SCUBE2: variants seen among roughly 807,000 people sequenced by gnomAD.
SCUBE2 encodes signal peptide, CUB and EGF-like domain-containing protein 2.
Under a neutral mutation model 125.9 loss-of-function variants are expected in SCUBE2, and 114 were observed. The observed-to-expected ratio is 0.91, with a 90% CI of 0.78 to 1.06. The LOEUF (loss-of-function observed/expected upper bound fraction) is 1.06, where lower values mean the gene tolerates loss of function less well. SCUBE2 is among the 50% of genes least tolerant of loss of function. SCUBE2 has a pLI of 0.00. For synonymous variants in SCUBE2, 459 were observed against 492.9 expected (o/e 0.93, Z 0.91); for missense variants, 1,255 against 1,301.8 (o/e 0.96, Z 0.55).
chr11:9,040,827 C>T (rs1036071330), intron 16 of SCUBE2, among the ~76,000 whole-genome samples: 9 of 152,148 alleles, frequency 5.9e-5, no homozygotes, highest in Non-Finnish European at 1.2e-4. Context: ...GAAGAGTGGG[C>T]AATTTAAAAC....
intron 15 of SCUBE2, among the ~76,000 whole-genome samples, 186 bp from the exon 16 acceptor site, chr11:9,047,748 G>A (rs1857943528): frequency 6.6e-6 from 1 of 152,100 alleles, no homozygotes; most frequent in Non-Finnish European, 1.5e-5. Flanking sequence ...GATCAGAATG[G>A]TAGCTTTGGG....
At position 9,030,869 on chromosome 11, in the gene SCUBE2, C is replaced by A. The variant is rs1359476911; in HGVS notation, c.2230G>T (p.Ala744Ser). ...GCTTCAGGCTGGAACGTGCCCAGGG[C>A]ACAGAGCTGGCAAGGTGCAAAGCCA... Reference protein sequence around the residue: ...ADGFAPCQLCALGTFQPEAGR... With the variant: ...ADGFAPCQLCSLGTFQPEAGR... The change falls in exon 18 of 23, where the codon GCC (alanine) becomes TCC (serine). Residue 744 changes from alanine (A) to serine (S), a missense_variant. Coordinates refer to ENST00000649792, the MANE Select transcript of SCUBE2 (RefSeq NM_001367977.2). 6.2e-7 allele frequency: 1 copy of A among 1,614,108 alleles called. No individual in the cohort carries two copies. Among genetic ancestry groups the A allele is most frequent in the Non-Finnish European group, 8.5e-7 (1 of 1,180,040 alleles).
chr11:9,056,085 CAAG>C (rs1195986334), intron 9 of SCUBE2, among the ~76,000 whole-genome samples, 176 bp from the exon 10 acceptor site: 6 of 152,202 alleles, frequency 3.9e-5, no homozygotes, highest in Non-Finnish European at 8.8e-5. Context: ...GAGCAGCCCA[CAAG>C]AAGTATACTG....
At chr11:9,066,872 G>A in intron 5 of SCUBE2, 59 bp from the exon 6 acceptor site, 1 of 1,364,960 alleles carries the variant, frequency 7.3e-7, no homozygotes, top group East Asian at 2.3e-5. Context: ...ACAGGGCTGT[G>A]TTTGCTCCAG....
chr11:9,083,731 G>C (rs1319113164), intron 2 of SCUBE2, among the ~76,000 whole-genome samples: 1 of 151,836 alleles, frequency 6.6e-6, no homozygotes, highest in East Asian at 1.9e-4. Context: ...TAGTAGAGAC[G>C]GGGTTTCACT....
At chr11:9,031,628 TA>T (rs199504434) in intron 17 of SCUBE2, among the ~76,000 whole-genome samples, 335 of 140,304 alleles carry the variant, frequency 2.4e-3, no homozygotes, top group Middle Eastern at 3.7e-3. Context: ...ACCTTGTCTC[TA>T]AAAAAAAAAA....
At chr11:9,058,817 A>G (rs1452797022) in intron 9 of SCUBE2, among the ~76,000 whole-genome samples, 1 of 151,992 alleles carries the variant, frequency 6.6e-6, no homozygotes, top group Non-Finnish European at 1.5e-5. Flanking sequence ...AAAAATTAAA[A>G]AAACAAGTGC....
At chr11:9,046,566 C>T (rs933110767) in intron 16 of SCUBE2, among the ~76,000 whole-genome samples, 3 of 152,130 alleles carry the variant, frequency 2.0e-5, no homozygotes, top group Non-Finnish European at 4.4e-5. Context: ...CCTGAGAGGC[C>T]AGGAGGGCCC....
intron 2 of SCUBE2, among the ~76,000 whole-genome samples, chr11:9,084,515 T>C (rs148008677): frequency 6.9e-5 from 7 of 100,906 alleles, no homozygotes; most frequent in African/African-American, 2.5e-4. Flanking sequence ...AAGAAATGTA[T>C]CTATTGCAAA....
intron 21 of SCUBE2, among the ~76,000 whole-genome samples, chr11:9,024,674 C>T (rs1007708093): frequency 3.9e-5 from 6 of 152,274 alleles, no homozygotes; most frequent in African/African-American, 1.4e-4. Context: ...ACACGTACAC[C>T]GGGGTACTTC....
At chr11:9,089,901 G>T in intron 1 of SCUBE2, 72 bp from the exon 2 acceptor site, 1 of 1,558,358 alleles carries the variant, frequency 6.4e-7, no homozygotes, top group Non-Finnish European at 8.7e-7. Context: ...GCCCTGTCTG[G>T]CATCATCCTC....
chr11:9,037,613 C>T (rs1388613055), intron 16 of SCUBE2, among the ~76,000 whole-genome samples: 1 of 152,226 alleles, frequency 6.6e-6, no homozygotes, highest in African/African-American at 2.4e-5. Context: ...CCCAGGGTGC[C>T]CCAGGGCTGC....
At chr11:9,075,510 G>A (rs2135847023) in intron 3 of SCUBE2, among the ~76,000 whole-genome samples, 1 of 152,332 alleles carries the variant, frequency 6.6e-6, no homozygotes, top group East Asian at 1.9e-4. Context: ...GGAGCATAGG[G>A]CACATGAGGG....
intron 7 of SCUBE2, among the ~76,000 whole-genome samples, chr11:9,060,942 G>A (rs963531417): frequency 6.6e-5 from 10 of 152,178 alleles, no homozygotes; most frequent in Non-Finnish European, 1.0e-4. Flanking sequence ...CAAAGCAAGA[G>A]TGGGTAAGCA....
At chr11:9,045,110 G>C (rs1044422161) in intron 16 of SCUBE2, among the ~76,000 whole-genome samples, 1 of 152,080 alleles carries the variant, frequency 6.6e-6, no homozygotes, top group African/African-American at 2.4e-5. Flanking sequence ...AGATGTTTGC[G>C]TGTTTCTTTA....
chr11:9,050,795 G>C (rs889789774), intron 13 of SCUBE2, 85 bp from the exon 14 acceptor site: 2 of 1,063,968 alleles, frequency 1.9e-6, no homozygotes, highest in Non-Finnish European at 2.9e-6. Flanking sequence ...CTGTCCATTG[G>C]TGGCTTCCAC....
intron 2 of SCUBE2, among the ~76,000 whole-genome samples, chr11:9,081,449 G>T (rs778006460): frequency 6.6e-6 from 1 of 152,010 alleles, no homozygotes; most frequent in Non-Finnish European, 1.5e-5. Flanking sequence ...AACAGTATTT[G>T]TCTTTTTGTG....
chr11:9,060,770 T>TC (rs1180298011), intron 7 of SCUBE2, among the ~76,000 whole-genome samples: 2 of 152,020 alleles, frequency 1.3e-5, no homozygotes, highest in African/African-American at 4.8e-5. Flanking sequence ...GCAGAGCCAC[T>TC]CCCCCTACTG....
At position 9,019,633 on chromosome 11, in the gene SCUBE2, TA is replaced by T. The variant is rs1855153393; in HGVS notation, c.*1411del. Among the ~76,000 whole-genome samples, 1 of 152,080 alleles carries T rather than the reference TA, an allele frequency of 6.6e-6. No homozygotes were observed. Among genetic ancestry groups the T allele is most frequent in the Admixed American group, 6.5e-5 (1 of 15,268 alleles). On this transcript the variant is annotated 3_prime_UTR_variant, in exon 23 of 23. Coordinates refer to ENST00000649792, the MANE Select transcript of SCUBE2 (RefSeq NM_001367977.2). ...TTAAGAATCAATGTTATTAACAGGT[TA>T]AAAAAAGCAACACTGAGATGAAAAG...
Sources: gnomAD v4.1 joint callset for allele counts (sites outside exome capture counted in the v4.1 genomes callset) on GRCh38, gnomAD v4.1.1 for gene constraint, MANE v1.5 for transcripts, NCBI Gene and HGNC (gene_info 2026-07-23, HGNC 2026-07-21) for gene names.